Variants in NEDD8 observed in about 807,000 individuals in gnomAD.
NEDD8 encodes the protein NEDD8 ubiquitin like modifier.
In NEDD8, 1 loss-of-function variant was observed where a neutral mutation model predicts 13.8. The observed-to-expected ratio is 0.07, with a 90% CI of 0.03 to 0.34. NEDD8 has a LOEUF of 0.34. Among genes scored for constraint, NEDD8 ranks in the 10% least tolerant of loss-of-function variants. NEDD8 has a pLI of 0.99. For missense variants in NEDD8, 10 were observed against 95.2 expected (o/e 0.10, Z 3.73); for synonymous variants, 31 against 33.2 (o/e 0.93, Z 0.23).
At chr14:24,221,411 C>A (rs1397958863) in intron 1 of NEDD8, among the ~76,000 whole-genome samples, 1 of 151,582 alleles carries the variant, frequency 6.6e-6, no homozygotes, top group East Asian at 1.9e-4. Context: ...TCTTGAGTAG[C>A]TGGCATCACA....
rs183369004 is a variant in NEDD8, at chr14:24,218,066, C to T, written c.149+67G>A. ...GAGGCACCCCTGATCCACCTCAGTA[C>T]GTGCCCCCTCTCCTCTTCTCATCTT... On this transcript the variant is annotated intron_variant, in intron 3 of 3. Transcript: ENST00000250495. The T allele has an allele frequency of 2.3e-5, 37 of 1,600,938 alleles. No homozygotes were observed. The East Asian group carries it at 6.2e-4, about 27-fold the overall frequency.
chr14:24,217,964 G>T, intron 3 of NEDD8, 169 bp downstream of exon 3: 4 of 611,862 alleles, frequency 6.5e-6, no homozygotes, highest in Non-Finnish European at 1.1e-5. Context: ...TTTGTTTTAT[G>T]CCTGAAAAAA....
At chr14:24,223,393 T>C (rs1237298111) in intron 1 of NEDD8, among the ~76,000 whole-genome samples, 2 of 152,100 alleles carry the variant, frequency 1.3e-5, no homozygotes, top group Non-Finnish European at 2.9e-5. Flanking sequence ...AGGGAGACCC[T>C]ATCTCCAAAA....
chr14:24,231,256 T>C (rs981878450), intron 1 of NEDD8, among the ~76,000 whole-genome samples: 1 of 152,190 alleles, frequency 6.6e-6, no homozygotes, highest in East Asian at 1.9e-4. Context: ...GACTCTTATA[T>C]AGGCCGCTAC....
chr14:24,221,305 G>A (rs117014063), intron 1 of NEDD8, among the ~76,000 whole-genome samples: 4,941 of 143,278 alleles, frequency 0.034, 102 homozygotes, highest in Non-Finnish European at 0.052. Context: ...TTTTTTTTGA[G>A]ACGGGGTCTC....
chr14:24,229,512 C>T (rs1337956988), intron 1 of NEDD8, among the ~76,000 whole-genome samples: 8 of 152,244 alleles, frequency 5.3e-5, no homozygotes, highest in Non-Finnish European at 1.2e-4. Context: ...GCCACCACGC[C>T]TGGCCTTTCA....
intron 1 of NEDD8, chr14:24,218,731 T>C: frequency 4.3e-6 from 2 of 466,472 alleles, no homozygotes; most frequent in Non-Finnish European, 7.7e-6. Context: ...TTTTAGATGA[T>C]ACGGCAATGA....
intron 3 of NEDD8, 81 bp from the exon 4 acceptor site, chr14:24,217,304 GT>G: frequency 1.0e-6 from 1 of 1,002,882 alleles, no homozygotes; most frequent in Non-Finnish European, 1.5e-6. Context: ...TGTTGTTGTT[GT>G]TTTTGACAGA....
Position 24,218,142 on chromosome 14 carries a change from C to A in NEDD8, c.140G>T (p.Gly47Val), listed in dbSNP as rs758862770. 6.2e-7 allele frequency: 1 copy of A among 1,613,978 alleles called. No individual in the cohort carries two copies. Among genetic ancestry groups the A allele is most frequent in the African/African-American group, 1.3e-5 (1 of 74,894 alleles). The stretch of plus-strand genomic sequence containing the variant: ...CTCACTCCAAACTCACATCTGCTTG[C>A]CACTGTAGATGAGCCTCTGCTGTTG... The part of the protein sequence containing the change: ...PPQQQRLIYS[G>V]KQMNDEKTAA... Residue 47 changes from glycine (G) to valine (V), a missense_variant, in exon 3 of 4, where the codon GGC (glycine) becomes GTC (valine). Coordinates refer to ENST00000250495, the MANE Select transcript of NEDD8 (RefSeq NM_006156.3).
intron 1 of NEDD8, among the ~76,000 whole-genome samples, chr14:24,225,356 TA>T (rs1189014595): frequency 6.6e-6 from 1 of 151,812 alleles, no homozygotes; most frequent in Non-Finnish European, 1.5e-5. Flanking sequence ...AAACTGTTAA[TA>T]AAAAAAGAGA....
intron 1 of NEDD8, chr14:24,227,739 T>G (rs1253858945): frequency 1.3e-5 from 2 of 152,156 alleles, no homozygotes; most frequent in Non-Finnish European, 2.9e-5. Context: ...CAGGAAGAAT[T>G]TAATTGTAAA....
At chr14:24,230,799 G>A (rs1178315324) in intron 1 of NEDD8, among the ~76,000 whole-genome samples, 1 of 151,926 alleles carries the variant, frequency 6.6e-6, no homozygotes, top group East Asian at 2.0e-4. Context: ...TGTATTGTTA[G>A]TAGAGGCGGG....
chr14:24,232,011 C>A, intron 1 of NEDD8: 1 of 575,414 alleles, frequency 1.7e-6, no homozygotes, highest in South Asian at 2.3e-5. Context: ...GGTGATAGCA[C>A]AGTCCTGGCA....
At chr14:24,219,314 A>T (rs1182588613) in intron 1 of NEDD8, among the ~76,000 whole-genome samples, 1 of 151,018 alleles carries the variant, frequency 6.6e-6, no homozygotes, top group Non-Finnish European at 1.5e-5. Context: ...CAACAACAAC[A>T]ACAACAACAA....
Position 24,217,002 on chromosome 14 carries a change from C to T in NEDD8, c.*125G>A. The T allele has an allele frequency of 1.3e-6, 1 of 759,080 alleles. No individual in the cohort carries two copies. The highest frequency in any genetic ancestry group is 2.2e-6 in the Non-Finnish European group (1 of 464,386). The allele number at this position is 759,080 out of a possible 1,614,324, so 47.0% of individuals were successfully genotyped here. A position where few individuals can be genotyped will look rare whatever the true frequency, so the allele number is the denominator to read the frequency against. ...GAATCCTGGGATCCTCACAGTCTCC[C>T]ACCAGTAGACATACATTACTGGGCA... On this transcript the variant is annotated 3_prime_UTR_variant, in exon 4 of 4. Coordinates refer to ENST00000250495, the MANE Select transcript of NEDD8 (RefSeq NM_006156.3).
At chr14:24,224,367 A>G (rs899011094) in intron 1 of NEDD8, among the ~76,000 whole-genome samples, 2 of 152,078 alleles carry the variant, frequency 1.3e-5, no homozygotes, top group African/African-American at 4.8e-5. Context: ...CCCGGCCTGA[A>G]AATTGTTTTG....
chr14:24,223,970 C>T (rs2039849093), intron 1 of NEDD8, among the ~76,000 whole-genome samples: 1 of 151,982 alleles, frequency 6.6e-6, no homozygotes, highest in African/African-American at 2.4e-5. Context: ...CTCTGTCGCC[C>T]AGGCTGGAGT....
intron 2 of NEDD8, 63 bp downstream of exon 2, chr14:24,218,321 T>C: frequency 1.2e-6 from 2 of 1,614,070 alleles, no homozygotes; most frequent in South Asian, 1.1e-5. Context: ...ACCAAGTTCA[T>C]AAGCATATGC....
intron 1 of NEDD8, among the ~76,000 whole-genome samples, chr14:24,229,794 G>A (rs1012561100): frequency 1.3e-5 from 2 of 152,194 alleles, no homozygotes; most frequent in East Asian, 1.9e-4. Context: ...GTATTCAACA[G>A]GCCGGGCGCG....
Sources: gnomAD v4.1 joint callset for allele counts (sites outside exome capture counted in the v4.1 genomes callset) on GRCh38, gnomAD v4.1.1 for gene constraint, MANE v1.5 for transcripts, NCBI Gene and HGNC (gene_info 2026-07-23, HGNC 2026-07-21) for gene names.